Variants in ABCA13 observed in about 807,000 individuals in gnomAD.
The protein encoded by ABCA13 is ATP-binding cassette sub-family A member 13.
In ABCA13, 476 loss-of-function variants were observed where a neutral mutation model predicts 478.7. The observed-to-expected ratio is 0.99, with a 90% CI of 0.92 to 1.07. The LOEUF is 1.07. ABCA13 is among the 50% of genes least tolerant of loss of function. ABCA13 has a pLI of 0.00. For synonymous variants in ABCA13, 2,252 were observed against 2,158.9 expected (o/e 1.04, Z -1.20); for missense variants, 6,060 against 5,910.6 (o/e 1.03, Z -0.83).
chr7:48,508,040 A>C lies in ABCA13; in HGVS notation c.13515A>C (p.Leu4505=), dbSNP rs754984699. 1 of 1,613,846 alleles carries C rather than the reference A, an allele frequency of 6.2e-7. No individual in the cohort carries two copies. Among genetic ancestry groups the C allele is most frequent in the Non-Finnish European group, 8.5e-7 (1 of 1,179,796 alleles). ...GGATGTACTGGTTCACAAACTTCCT[A>C]TATGACATGGTAGGATTTGGGAATG... ...GYRMYWFTNF[L]YDMLFYLVSV... is the part of the protein sequence containing the mutation. The change falls in exon 50 of 62, where the codon CTA becomes CTC. Residue 4505 remains leucine (L), a synonymous_variant. Transcript: ENST00000435803.
At chr7:48,312,615 A>T (rs1187943897) in intron 24 of ABCA13, among the ~76,000 whole-genome samples, 1 of 152,228 alleles carries the variant, frequency 6.6e-6, no homozygotes, top group African/African-American at 2.4e-5. Flanking sequence ...CAGTTTTCTC[A>T]TCCACAAAAC....
At chr7:48,485,505 T>C (rs1417197383) in intron 47 of ABCA13, among the ~76,000 whole-genome samples, 1 of 152,158 alleles carries the variant, frequency 6.6e-6, no homozygotes, top group African/African-American at 2.4e-5. Flanking sequence ...TGTTAAGTCC[T>C]GAATGGTAAC....
chr7:48,586,706 A>C (rs1789215266), intron 56 of ABCA13, among the ~76,000 whole-genome samples: 1 of 152,164 alleles, frequency 6.6e-6, no homozygotes, highest in Non-Finnish European at 1.5e-5. Context: ...GCAAACCTGC[A>C]CATAGACTCC....
At chr7:48,324,555 G>T (rs771540226) in intron 27 of ABCA13, among the ~76,000 whole-genome samples, 14 of 152,156 alleles carry the variant, frequency 9.2e-5, no homozygotes, top group East Asian at 1.9e-4. Flanking sequence ...TATGAAACTT[G>T]TGAACCCTGT....
At chr7:48,502,293 T>C (rs1389054043) in intron 48 of ABCA13, among the ~76,000 whole-genome samples, 1 of 151,992 alleles carries the variant, frequency 6.6e-6, no homozygotes, top group Non-Finnish European at 1.5e-5. Flanking sequence ...ATCCAGGAAA[T>C]GTGCTAAAAT....
At chr7:48,477,361 A>C (rs1828221267) in intron 45 of ABCA13, among the ~76,000 whole-genome samples, 2 of 152,112 alleles carry the variant, frequency 1.3e-5, no homozygotes, top group Non-Finnish European at 2.9e-5. Context: ...AACTAGAAAT[A>C]CCATTTGAGC....
chr7:48,317,078 G>T, intron 26 of ABCA13, 79 bp from the exon 27 acceptor site: 1 of 1,495,674 alleles, frequency 6.7e-7, no homozygotes, highest in South Asian at 1.3e-5. Flanking sequence ...GAGGCATCCT[G>T]GATATGTGAA....
intron 59 of ABCA13, among the ~76,000 whole-genome samples, chr7:48,618,477 A>G (rs1792812464): frequency 6.6e-6 from 1 of 152,216 alleles, no homozygotes. Context: ...AATAAGGCCA[A>G]TAGATCAGGA....
At chr7:48,239,623 A>G (rs77073156) in intron 9 of ABCA13, among the ~76,000 whole-genome samples, 98 of 152,322 alleles carry the variant, frequency 6.4e-4, no homozygotes, top group Non-Finnish European at 1.3e-3. Flanking sequence ...CTCATCACCA[A>G]ACAGTCTATC....
chr7:48,243,709 A>C (rs936113008), intron 10 of ABCA13, among the ~76,000 whole-genome samples: 1 of 152,260 alleles, frequency 6.6e-6, no homozygotes, highest in African/African-American at 2.4e-5. Flanking sequence ...TCAAGATGCC[A>C]TGAAGAGACT....
Position 48,372,394 on chromosome 7 carries a change from C to G in ABCA13, c.11030C>G (p.Thr3677Arg), listed in dbSNP as rs370836671. The G allele has an allele frequency of 2.5e-6, 4 of 1,613,894 alleles. No individual in the cohort carries two copies. The Admixed American group carries it at 6.7e-5, about 27-fold the overall frequency. Residue 3677 changes from threonine (T) to arginine (R), a missense_variant, in exon 33 of 62, where the codon ACA becomes AGA. By Grantham distance (71) the Thr-to-Arg change is moderately conservative. Coordinates refer to ENST00000435803, the MANE Select transcript of ABCA13 (RefSeq NM_152701.5). ...LLSAFFSQANTAALCTSLVYM... is the reference protein window; with the variant it reads ...LLSAFFSQANRAALCTSLVYM... ...AGTGCATTTTTCAGCCAAGCTAATA[C>G]AGCGGCCCTTTGTACCAGCCTGGTG...
intron 3 of ABCA13, among the ~76,000 whole-genome samples, chr7:48,216,494 C>T (rs1786501184): frequency 6.6e-6 from 1 of 152,052 alleles, no homozygotes; most frequent in Non-Finnish European, 1.5e-5. Context: ...ACAGACAAGT[C>T]CCTTATTAGA....
At chr7:48,475,527 G>A (rs537680361) in intron 45 of ABCA13, among the ~76,000 whole-genome samples, 43 of 141,002 alleles carry the variant, frequency 3.0e-4, no homozygotes, top group African/African-American at 1.0e-3. Flanking sequence ...GGGCAGTGGC[G>A]TGATCTCGAC....
In ABCA13 at chr7:48,279,011, C is replaced by A. The variant is rs375519517; in HGVS notation, c.7817C>A (p.Pro2606His). Reference protein sequence around the residue: ...DLAFEMIGVEPYISSNSDIFS... With the variant: ...DLAFEMIGVEHYISSNSDIFS... ...GCCTTTGAAATGATTGGGGTAGAAC[C>A]TTATATATCATCAAACTCTGATATT... Residue 2606 changes from proline to histidine, a missense_variant, in exon 18 of 62, where the codon CCT becomes CAT. By Grantham distance (77) the Pro-to-His change is moderately conservative. Coordinates refer to ENST00000435803, the MANE Select transcript of ABCA13 (RefSeq NM_152701.5). 1 of 1,613,268 alleles carries A rather than the reference C, an allele frequency of 6.2e-7. No homozygotes were observed. The highest frequency in any genetic ancestry group is 8.5e-7 in the Non-Finnish European group (1 of 1,179,782).
intron 57 of ABCA13, among the ~76,000 whole-genome samples, chr7:48,590,574 T>G (rs1001788955): frequency 3.3e-5 from 5 of 152,158 alleles, no homozygotes; most frequent in African/African-American, 1.2e-4. Context: ...CTGTTTTCCA[T>G]AATATGTGTA....
Position 48,273,023 on chromosome 7 carries a change from A to C in ABCA13, c.3357A>C (p.Ser1119=), listed in dbSNP as rs1370096618. ...ATTATTCAACAAGTGAGGAGTCTTC[A>C]TTTGTTTTTCCATTGGCACAAATTT... The part of the protein sequence containing the change: ...SVNYSTSEES[S]FVFPLAQIFS... The change falls in exon 17 of 62, where the codon TCA becomes TCC. Residue 1119 remains serine, a synonymous_variant. Coordinates refer to ENST00000435803, the MANE Select transcript of ABCA13 (RefSeq NM_152701.5). 1 of 1,613,580 alleles carries C rather than the reference A, an allele frequency of 6.2e-7. No individual in the cohort carries two copies. Among genetic ancestry groups the C allele is most frequent in the South Asian group, 1.1e-5 (1 of 91,082 alleles).
intron 55 of ABCA13, among the ~76,000 whole-genome samples, chr7:48,565,214 C>CT (rs10559411): frequency 1.2e-3 from 139 of 113,746 alleles, no homozygotes; most frequent in South Asian, 2.1e-3. Flanking sequence ...ATTTAATGAG[C>CT]TTTTTTTTTT....
rs148650358 is a variant in ABCA13, at chr7:48,310,062, G to A, written c.9437G>A (p.Cys3146Tyr). ...TCTTGGATCGCAGCGGAGGAACTCT[G>A]TAGCCTGCCAGGGTCAAAAGTGTAT... ...EKSWIAAEEL[C>Y]SLPGSKVYSL... Residue 3146 changes from cysteine (C) to tyrosine (Y), a missense_variant, in exon 24 of 62, where the codon TGT becomes TAT. Cys to Tyr is a radical substitution (Grantham distance 194). Transcript: ENST00000435803. 5.9e-5 allele frequency: 95 copies of A among 1,613,910 alleles called. No homozygotes were observed. The highest frequency in any genetic ancestry group is 7.6e-5 in the Non-Finnish European group (90 of 1,179,800).
At chr7:48,454,486 G>T (rs1478144089) in intron 42 of ABCA13, among the ~76,000 whole-genome samples, 1 of 152,174 alleles carries the variant, frequency 6.6e-6, no homozygotes, top group Non-Finnish European at 1.5e-5. Flanking sequence ...TTTCACATTC[G>T]CTGCGTCCCC....
Sources: allele counts gnomAD v4.1 joint callset (sites outside exome capture counted in the v4.1 genomes callset), GRCh38; gene constraint gnomAD v4.1.1; transcripts MANE v1.5; gene names NCBI Gene and HGNC (gene_info 2026-07-23, HGNC 2026-07-21).